The following PPARGC1A variants were observed in gnomAD, a reference collection of about 807,000 sequenced individuals.
PPARGC1A encodes PPARG coactivator 1 alpha, also known as peroxisome proliferator-activated receptor gamma coactivator 1-alpha.
A neutral mutation model predicts 88.7 loss-of-function variants in PPARGC1A; 25 were observed. That is an observed-to-expected ratio of 0.28 (90% CI 0.21 to 0.39). PPARGC1A has a LOEUF of 0.39. Among genes scored for constraint, PPARGC1A ranks in the 10% least tolerant of loss-of-function variants. The pLI, the probability that PPARGC1A is intolerant of heterozygous loss-of-function variation, is 1.00. For missense variants in PPARGC1A, 880 were observed against 968.7 expected (o/e 0.91, Z 1.22); for synonymous variants, 363 against 355.6 (o/e 1.02, Z -0.24).
chr4:24,164,629 AT>A, the PPARGC1A span, among the ~76,000 whole-genome samples: 1 of 152,294 alleles, frequency 6.6e-6, no homozygotes, highest in South Asian at 2.1e-4. Flanking sequence ...AAAGGGGTTG[AT>A]TTGATTTTGT....
chr4:23,895,279 A>G (rs1718411806), intron 1 of PPARGC1A, among the ~76,000 whole-genome samples: 2 of 151,388 alleles, frequency 1.3e-5, no homozygotes, highest in African/African-American at 4.8e-5. Flanking sequence ...GTATTTTGCA[A>G]ATAGTCTCAA....
the PPARGC1A span, among the ~76,000 whole-genome samples, chr4:23,917,033 T>C: frequency 1.3e-5 from 2 of 152,176 alleles, no homozygotes; most frequent in Non-Finnish European, 2.9e-5. Flanking sequence ...TGTGTTCTTG[T>C]TCCCCGCACA....
At chr4:23,932,611 A>T in the PPARGC1A span, among the ~76,000 whole-genome samples, 1 of 152,238 alleles carries the variant, frequency 6.6e-6, no homozygotes, top group Non-Finnish European at 1.5e-5. Context: ...TTTTTTAAAA[A>T]AATAAAATAC....
At chr4:24,084,935 T>C in the PPARGC1A span, among the ~76,000 whole-genome samples, 1 of 152,226 alleles carries the variant, frequency 6.6e-6, no homozygotes, top group Non-Finnish European at 1.5e-5. Flanking sequence ...GCTAGGTCCA[T>C]CATCCTCTTG....
the PPARGC1A span, among the ~76,000 whole-genome samples, chr4:24,137,473 C>G: frequency 6.6e-6 from 1 of 152,172 alleles, no homozygotes; most frequent in Non-Finnish European, 1.5e-5. Context: ...ACAGCACAGT[C>G]CCTCAAGGAA....
chr4:24,121,291 C>T, the PPARGC1A span, among the ~76,000 whole-genome samples: 18 of 152,278 alleles, frequency 1.2e-4, no homozygotes, highest in Admixed American at 2.0e-4. Flanking sequence ...ACTTCTCCCA[C>T]GCCTGTTTTT....
the PPARGC1A span, among the ~76,000 whole-genome samples, chr4:24,352,274 G>T: frequency 1.3e-5 from 2 of 152,084 alleles, no homozygotes; most frequent in Non-Finnish European, 1.5e-5. Context: ...CAGCTCAAAG[G>T]CATCACTCCA....
the PPARGC1A span, among the ~76,000 whole-genome samples, chr4:24,144,068 G>A: frequency 6.6e-6 from 1 of 152,248 alleles, no homozygotes. Context: ...AAGAGGTAAA[G>A]GGATGACGAA....
chr4:24,190,903 T>A, the PPARGC1A span, among the ~76,000 whole-genome samples: 1 of 151,900 alleles, frequency 6.6e-6, no homozygotes, highest in Non-Finnish European at 1.5e-5. Context: ...TGTCCTTCAT[T>A]GGAAAGAGGG....
At chr4:24,337,648 C>T in the PPARGC1A span, among the ~76,000 whole-genome samples, 2 of 151,250 alleles carry the variant, frequency 1.3e-5, no homozygotes, top group Admixed American at 6.6e-5. Context: ...CTCATTTACC[C>T]TCAGAACACC....
chr4:24,470,298 ACACACACACACACACACACACACACACT>A, the PPARGC1A span, among the ~76,000 whole-genome samples: 247 of 145,574 alleles, frequency 1.7e-3, 5 homozygotes, highest in Middle Eastern at 0.014. The surrounding 1 kb of genome is among the most constrained non-coding windows in gnomAD (Gnocchi z 5.8). Context: ...ACACACACAC[ACACACACACACACACACACACACACACT>A]CTCTCACACA....
At chr4:23,860,475 A>T (rs2148709713) in intron 2 of PPARGC1A, among the ~76,000 whole-genome samples, 1 of 152,292 alleles carries the variant, frequency 6.6e-6, no homozygotes, top group Middle Eastern at 3.4e-3. Flanking sequence ...TACTACAAAA[A>T]AAAGTAACTA....
At chr4:24,314,637 C>T in the PPARGC1A span, among the ~76,000 whole-genome samples, 1 of 152,102 alleles carries the variant, frequency 6.6e-6, no homozygotes, top group Non-Finnish European at 1.5e-5. Context: ...GTAAGTATGA[C>T]AAAATGTTAA....
rs1560488226 is a variant in PPARGC1A at position 23,873,216 on chromosome 4, AT to A, written c.234+11535del. On this transcript the variant is annotated intron_variant, in intron 2 of 12. Coordinates refer to ENST00000264867, the MANE Select transcript of PPARGC1A (RefSeq NM_013261.5). ...CCGTCTCAAAAATAAAAAATAAAAAATAAAAAATAAAGAAAAAAATGTGACC... is the reference window on the plus strand; with the variant it reads ...CCGTCTCAAAAATAAAAAATAAAAAAAAAAAATAAAGAAAAAAATGTGACC... Among the ~76,000 whole-genome samples the A allele has an allele frequency of 5.2e-3, 740 of 141,210 alleles. 92 individuals carry two copies. Among genetic ancestry groups the A allele is most frequent in the Middle Eastern group, 0.011 (3 of 272 alleles). 92.6% of individuals were successfully genotyped at this position (141,210 alleles called of 152,430 possible). A position where few individuals can be genotyped will look rare whatever the true frequency, so the allele number is the denominator to read the frequency against.
At chr4:24,000,094 T>C in the PPARGC1A span, among the ~76,000 whole-genome samples, 3 of 152,120 alleles carry the variant, frequency 2.0e-5, no homozygotes, top group African/African-American at 4.8e-5. Flanking sequence ...TTTATTCTTT[T>C]CATTTTCCTT....
chr4:23,976,597 T>C, the PPARGC1A span, among the ~76,000 whole-genome samples: 1 of 152,184 alleles, frequency 6.6e-6, no homozygotes, highest in Non-Finnish European at 1.5e-5. Flanking sequence ...TATCTGGAGA[T>C]AGAGCCTTTA....
chr4:23,904,324 G>A (rs1240947124), upstream of PPARGC1A, among the ~76,000 whole-genome samples: 1 of 152,126 alleles, frequency 6.6e-6, no homozygotes, highest in African/African-American at 2.4e-5. Context: ...TTTCCAACCC[G>A]TGGAAAATAA....
chr4:24,338,138 CCTT>C, the PPARGC1A span, among the ~76,000 whole-genome samples: 2 of 152,104 alleles, frequency 1.3e-5, no homozygotes, highest in Admixed American at 6.5e-5. Context: ...CGGGGCCCTG[CCTT>C]CTTTGTCTCT....
At chr4:24,402,062 G>A in the PPARGC1A span, among the ~76,000 whole-genome samples, 1 of 152,092 alleles carries the variant, frequency 6.6e-6, no homozygotes, top group Non-Finnish European at 1.5e-5. Flanking sequence ...AAGTGCTCTC[G>A]CCCCACCCCA....
Sources: allele counts gnomAD v4.1 joint callset (sites outside exome capture counted in the v4.1 genomes callset), GRCh38; gene constraint gnomAD v4.1.1; non-coding constraint Gnocchi (gnomAD v3.1); transcripts MANE v1.5; gene names NCBI Gene and HGNC (gene_info 2026-07-23, HGNC 2026-07-21).